The following FOXJ2 variants were observed in gnomAD, a reference collection of about 807,000 sequenced individuals.
The protein encoded by FOXJ2 is forkhead box protein J2.
FOXJ2 carries 18 observed loss-of-function variants against 68.4 expected under a neutral mutation model. The ratio of observed to expected loss-of-function variants is 0.26; its 90% CI spans 0.18 to 0.39. The LOEUF is 0.39. Ranked by LOEUF, FOXJ2 falls within the 10% of genes least tolerant of loss-of-function variation. The pLI is 1.00. For missense variants in FOXJ2, 670 were observed against 726.5 expected, an observed-to-expected ratio of 0.92 and a Z score of 0.89; for synonymous variants, 274 against 263.2, an observed-to-expected ratio of 1.04 and a Z score of -0.40.
intron 7 of FOXJ2, 114 bp from the exon 8 acceptor site, chr12:8,048,583 C>A: frequency 1.7e-6 from 2 of 1,209,278 alleles, no homozygotes; most frequent in Non-Finnish European, 2.4e-6. Context: ...CTTGGAAATG[C>A]AACTGCTAAT....
intron 3 of FOXJ2, 58 bp from the exon 4 acceptor site, chr12:8,043,643 C>G (rs1403247888): frequency 1.3e-6 from 2 of 1,572,090 alleles, no homozygotes; most frequent in Non-Finnish European, 1.8e-6. Context: ...TACCCAGAAC[C>G]CTGGGAGGTT....
In FOXJ2 at chr12:8,047,035, G is replaced by A. The variant is rs930521141; in HGVS notation, c.818-847G>A. Among the ~76,000 whole-genome samples, 8 of 152,230 alleles carry A rather than the reference G, an allele frequency of 5.3e-5. No homozygotes were observed. The South Asian group carries it at 8.3e-4, about 16-fold the overall frequency. ...GTTTTATTGTGACCGAAAGCCCCTA[G>A]TCTCAGACTTTTGTTCTTCCCAGCC... On this transcript the variant is annotated intron_variant, in intron 6 of 10. Coordinates refer to ENST00000162391, the MANE Select transcript of FOXJ2 (RefSeq NM_018416.3).
chr12:8,050,870 T>TTCCCTTCCCCG (rs1947110510), intron 10 of FOXJ2, among the ~76,000 whole-genome samples: 1 of 71,338 alleles, frequency 1.4e-5, no homozygotes. Context: ...TCCCTTCCCC[T>TTCCCTTCCCCG]TCCCTTCCCC....
rs747504140 is a variant in FOXJ2, at chr12:8,050,598, C to G, written c.1614C>G (p.Asp538Glu). The change falls in exon 10 of 11, where the codon GAC (aspartate) becomes GAG (glutamate). Residue 538 changes from aspartate (D) to glutamate (E), a missense_variant. Physicochemically the swap from Asp to Glu is conservative, Grantham distance 45 (BLOSUM62 2). This residue lies in a region of FOXJ2 where 555 missense variants were observed against 562.2 expected (regional missense o/e 0.99). Coordinates refer to ENST00000162391, the MANE Select transcript of FOXJ2 (RefSeq NM_018416.3). Reference protein sequence around the residue: ...PSPMYPIPTQDSAGYNRPAHH... With the variant: ...PSPMYPIPTQESAGYNRPAHH... ...CAATGTACCCAATCCCCACCCAGGACTCAGCAGGATACAATCGCCCAGGTA... is the reference window on the plus strand; with the variant it reads ...CAATGTACCCAATCCCCACCCAGGAGTCAGCAGGATACAATCGCCCAGGTA... 6.2e-7 allele frequency: 1 copy of G among 1,614,084 alleles called. No homozygotes were observed. The highest frequency in any genetic ancestry group is 1.7e-5 in the Admixed American group (1 of 60,020).
rs1252198526 is a variant in FOXJ2, at chr12:8,055,397, C to G, written c.*2547C>G. On this transcript the variant is annotated 3_prime_UTR_variant, in exon 11 of 11. Transcript: ENST00000162391. ...CTGGTTTGGTGAGTCCTTTGTGCCA[C>G]CACCCATAATGCTTTGCATTGCTGC... is the stretch of plus-strand genomic sequence containing the variant. 6.6e-6 allele frequency: 1 copy of G among 152,542 alleles called. No homozygotes were observed. Among genetic ancestry groups the G allele is most frequent in the Non-Finnish European group, 1.5e-5 (1 of 68,054 alleles). The allele number at this position is 152,542 out of a possible 1,614,324, so 9.4% of individuals were successfully genotyped here. A position where few individuals can be genotyped will look rare whatever the true frequency, so the allele number is the denominator to read the frequency against.
intron 3 of FOXJ2, among the ~76,000 whole-genome samples, chr12:8,043,053 T>A (rs894356650): frequency 3.3e-5 from 5 of 151,452 alleles, no homozygotes; most frequent in African/African-American, 1.2e-4. Flanking sequence ...CCATCTGTAC[T>A]AAAAATACAA....
Position 8,033,270 on chromosome 12 carries a change from C to T in FOXJ2, c.-578C>T. ...TCAGGACTTTGGAGGCAAAGAGAGA[C>T]GGGGCTGTGCCTGTGGAGTAGGCAC... On this transcript the variant is annotated 5_prime_UTR_variant, in exon 1 of 11. The change creates a new upstream start codon in the 5' untranslated region. Transcript: ENST00000162391. The T allele has an allele frequency of 5.9e-6, 1 of 170,114 alleles. No individual in the cohort carries two copies. Among genetic ancestry groups the T allele is most frequent in the Non-Finnish European group, 1.2e-5 (1 of 80,362 alleles). The allele number at this position is 170,114 out of a possible 1,614,324, so 10.5% of individuals were successfully genotyped here.
chr12:8,041,360 A>T (rs914417358), intron 2 of FOXJ2, among the ~76,000 whole-genome samples: 6 of 150,776 alleles, frequency 4.0e-5, no homozygotes, highest in Admixed American at 4.0e-4. Context: ...TGCCACTGCA[A>T]CCAGCTAATT....
At position 8,053,232 on chromosome 12, in the gene FOXJ2, C is replaced by A. The variant is rs1274100250; in HGVS notation, c.*382C>A. 6.6e-6 allele frequency: 1 copy of A among 152,582 alleles called. No homozygotes were observed. The highest frequency in any genetic ancestry group is 2.4e-5 in the African/African-American group (1 of 41,422). The allele number at this position is 152,582 out of a possible 1,614,324, so 9.5% of individuals were successfully genotyped here. A position where few individuals can be genotyped will look rare whatever the true frequency, so the allele number is the denominator to read the frequency against. On this transcript the variant is annotated 3_prime_UTR_variant, in exon 11 of 11. Coordinates refer to ENST00000162391, the MANE Select transcript of FOXJ2 (RefSeq NM_018416.3). The surrounding 1 kb of genome is among the most constrained non-coding windows in gnomAD (Gnocchi z 4.1). ...GAGAAAGGTTTTAGACTCCAGTTTA[C>A]CTTTCTCTTGGAGAAACTCAATGCT...
At chr12:8,039,181 C>T (rs1398998099) in intron 1 of FOXJ2, among the ~76,000 whole-genome samples, 2 of 151,834 alleles carry the variant, frequency 1.3e-5, no homozygotes, top group Non-Finnish European at 2.9e-5. Context: ...ATGTGCTTCA[C>T]TGTTTATGAG....
rs764987218 is a variant in FOXJ2, at chr12:8,053,841, TTTAA to T, written c.*994_*997del. The T allele has an allele frequency of 1.3e-5, 2 of 152,206 alleles. No individual in the cohort carries two copies. Among genetic ancestry groups the T allele is most frequent in the Non-Finnish European group, 2.9e-5 (2 of 68,034 alleles). 9.4% of individuals were successfully genotyped at this position (152,206 alleles called of 1,614,324 possible). A position where few individuals can be genotyped will look rare whatever the true frequency, so the allele number is the denominator to read the frequency against. ...TTCAGCAAATATTAGTTTGTCCTCC[TTTAA>T]TTGTTTGCCCAAATCTTCCACCCAT... On this transcript the variant is annotated 3_prime_UTR_variant, in exon 11 of 11. Transcript: ENST00000162391. This position sits in a 1 kb window ranked among gnomAD's most constrained non-coding sequence, Gnocchi z 4.1.
chr12:8,043,511 C>T (rs1591577812), intron 3 of FOXJ2, among the ~76,000 whole-genome samples, 190 bp from the exon 4 acceptor site: 1 of 152,182 alleles, frequency 6.6e-6, no homozygotes, highest in African/African-American at 2.4e-5. Context: ...CTGGACATTT[C>T]CAGCTCTTTG....
chr12:8,045,052 TA>T (rs904579221), intron 6 of FOXJ2, 94 bp downstream of exon 6: 6 of 1,316,366 alleles, frequency 4.6e-6, no homozygotes, highest in Non-Finnish European at 5.2e-6. Context: ...TTTTTATTTT[TA>T]TTTTTTGTGA....
At chr12:8,043,217 C>CAAAAAAA (rs11423157) in intron 3 of FOXJ2, among the ~76,000 whole-genome samples, 1 of 58,166 alleles carries the variant, frequency 1.7e-5, no homozygotes. Flanking sequence ...AACTCCATCT[C>CAAAAAAA]AAAAAAAAAA....
chr12:8,050,925 T>A (rs1947113868), intron 10 of FOXJ2, among the ~76,000 whole-genome samples: 1 of 96,014 alleles, frequency 1.0e-5, no homozygotes, highest in Non-Finnish European at 2.1e-5. Context: ...TCCTTCCCCT[T>A]CCCTTCCCCT....
At chr12:8,046,729 CCTT>C (rs1947041332) in intron 6 of FOXJ2, among the ~76,000 whole-genome samples, 1 of 152,186 alleles carries the variant, frequency 6.6e-6, no homozygotes, top group Non-Finnish European at 1.5e-5. Context: ...AGGCATTAGA[CCTT>C]CTCATTCTGT....
chr12:8,040,309 CCT>C lies in FOXJ2; in HGVS notation c.333+147_333+148del. The stretch of plus-strand genomic sequence containing the variant: ...AAACTTAAAATCTCATATGTTCTGC[CCT>C]CTACTTTTTTTTCAGAGTTGAACAA... On this transcript the variant is annotated intron_variant, in intron 2 of 10. Coordinates refer to ENST00000162391, the MANE Select transcript of FOXJ2 (RefSeq NM_018416.3). This position sits in a 1 kb window ranked among gnomAD's most constrained non-coding sequence, Gnocchi z 4.0. 1 of 874,072 alleles carries C rather than the reference CCT, an allele frequency of 1.1e-6. No homozygotes were observed. The highest frequency in any genetic ancestry group is 1.8e-5 in the South Asian group (1 of 55,684). The allele number at this position is 874,072 out of a possible 1,614,324, so 54.1% of individuals were successfully genotyped here.
At chr12:8,043,088 A>G (rs1301768231) in intron 3 of FOXJ2, among the ~76,000 whole-genome samples, 1 of 151,910 alleles carries the variant, frequency 6.6e-6, no homozygotes. Flanking sequence ...GTGGTGGTAC[A>G]TGCCTGTAAT....
At position 8,032,722 on chromosome 12, in the gene FOXJ2, G is replaced by C. The variant is rs1946850375; in HGVS notation, c.-1126G>C. 2.6e-6 allele frequency: 1 copy of C among 391,444 alleles called. No homozygotes were observed. The highest frequency in any genetic ancestry group is 1.3e-4 in the South Asian group (1 of 7,818). The allele number at this position is 391,444 out of a possible 1,614,324, so 24.2% of individuals were successfully genotyped here. The stretch of plus-strand genomic sequence containing the variant: ...CGGGGAGGAGCCGGGGCCTGCAGCG[G>C]AGCCGAGCCGAGCCCGAGCCCGCGC... On this transcript the variant is annotated 5_prime_UTR_variant, in exon 1 of 11. Transcript: ENST00000162391. This position sits in a 1 kb window ranked among gnomAD's most constrained non-coding sequence, Gnocchi z 4.8.
Sources: allele counts gnomAD v4.1 joint callset (sites outside exome capture counted in the v4.1 genomes callset), GRCh38; gene constraint gnomAD v4.1.1; regional missense constraint gnomAD v4.1.1; non-coding constraint Gnocchi (gnomAD v3.1); transcripts MANE v1.5; gene names NCBI Gene and HGNC (gene_info 2026-07-23, HGNC 2026-07-21).